TCF12: variants seen among roughly 807,000 people sequenced by gnomAD.
The protein encoded by TCF12 is DNA-binding protein HTF4.
TCF12 carries 45 observed loss-of-function variants against 86.0 expected under a neutral mutation model. The observed-to-expected ratio is 0.52, with a 90% CI of 0.41 to 0.67. The LOEUF is 0.67. Among genes scored for constraint, TCF12 ranks in the 30% least tolerant of loss-of-function variants. TCF12 has a pLI of 0.00. For synonymous variants in TCF12, 330 were observed against 299.6 expected (o/e 1.10, Z -1.05); for missense variants, 881 against 859.9 (o/e 1.02, Z -0.31).
At chr15:57,166,740 T>G (rs2054923697) in intron 6 of TCF12, among the ~76,000 whole-genome samples, 1 of 152,208 alleles carries the variant, frequency 6.6e-6, no homozygotes, top group South Asian at 2.1e-4. Context: ...TGAGAAATTT[T>G]TTTGCATATT....
At chr15:57,101,200 G>A (rs1158756579) in intron 5 of TCF12, among the ~76,000 whole-genome samples, 1 of 151,416 alleles carries the variant, frequency 6.6e-6, no homozygotes, top group African/African-American at 2.4e-5. Flanking sequence ...GGTGGTTTTT[G>A]TTTTTTGTTT....
intron 5 of TCF12, chr15:57,118,489 A>G (rs1010194700): frequency 6.6e-6 from 1 of 151,878 alleles, no homozygotes; most frequent in Non-Finnish European, 1.5e-5. Flanking sequence ...ATACTTTGAC[A>G]TCTTACCAAT....
Position 57,255,017 on chromosome 15 carries a change from C to G in TCF12, c.1467+1549C>G, listed in dbSNP as rs1192586027. On this transcript the variant is annotated intron_variant, in intron 16 of 20. Transcript: ENST00000333725. ...AATAATTTGTTGAAATACTATTTAT[C>G]CTTATTTAGAAGCATGACTTAAAAA... Among the ~76,000 whole-genome samples the G allele has an allele frequency of 2.6e-5, 4 of 152,030 alleles. No homozygotes were observed. In the South Asian group the frequency reaches 8.3e-4, roughly 32 times the overall value.
intron 8 of TCF12, chr15:57,219,648 A>G: frequency 2.0e-6 from 3 of 1,506,512 alleles, no homozygotes; most frequent in Non-Finnish European, 9.1e-7. Context: ...AGCAGTATAC[A>G]TTACTCGCTT....
At chr15:56,996,465 C>T (rs1322187241) in intron 3 of TCF12, among the ~76,000 whole-genome samples, 2 of 152,058 alleles carry the variant, frequency 1.3e-5, no homozygotes, top group African/African-American at 4.8e-5. Context: ...GAAACTAGAC[C>T]CCTACCTATC....
At chr15:56,969,371 G>A (rs1408696423) in intron 3 of TCF12, among the ~76,000 whole-genome samples, 3 of 152,032 alleles carry the variant, frequency 2.0e-5, no homozygotes, top group Non-Finnish European at 4.4e-5. Flanking sequence ...GATATATATC[G>A]GAGGTAGAAC....
At chr15:57,042,548 G>A (rs2066965629) in intron 3 of TCF12, among the ~76,000 whole-genome samples, 1 of 152,098 alleles carries the variant, frequency 6.6e-6, no homozygotes, top group Non-Finnish European at 1.5e-5. Context: ...CGAGGAGCCA[G>A]TACTACAGGC....
At chr15:57,189,325 A>G (rs1041557853) in intron 6 of TCF12, among the ~76,000 whole-genome samples, 1 of 152,176 alleles carries the variant, frequency 6.6e-6, no homozygotes, top group African/African-American at 2.4e-5. Flanking sequence ...ATGAGGGAAA[A>G]TTTTGCAATT....
intron 4 of TCF12, among the ~76,000 whole-genome samples, chr15:57,076,196 A>G (rs2070020569): frequency 6.6e-6 from 1 of 152,084 alleles, no homozygotes; most frequent in Non-Finnish European, 1.5e-5. Flanking sequence ...AATTTTGAAT[A>G]AGATCATAGT....
At chr15:57,036,062 C>T (rs2066488661) in intron 3 of TCF12, among the ~76,000 whole-genome samples, 1 of 129,782 alleles carries the variant, frequency 7.7e-6, no homozygotes, top group African/African-American at 2.8e-5. Flanking sequence ...CCACCCCCAG[C>T]TCCTGGTGCC....
rs185305534 is a variant in TCF12 at position 57,204,368 on chromosome 15, T to C, written c.579+6543T>C. ...TGAGATGCTAAGGCAGGAGTATCTC[T>C]TGATACTCCTGAAAGAGTTCAAGGC... On this transcript the variant is annotated intron_variant, in intron 8 of 20. Transcript: ENST00000333725. Among the ~76,000 whole-genome samples, 1,339 of 152,098 alleles carry C rather than the reference T, an allele frequency of 8.8e-3. 45 individuals carry two copies. Among genetic ancestry groups the C allele is most frequent in the Admixed American group, 0.059 (908 of 15,278 alleles).
At chr15:57,274,657 G>T (rs150350271) in intron 19 of TCF12, among the ~76,000 whole-genome samples, 3 of 152,194 alleles carry the variant, frequency 2.0e-5, no homozygotes, top group African/African-American at 7.2e-5. Context: ...TATGTTCAGT[G>T]GTTCAAGTAC....
At chr15:57,023,914 T>A (rs1005851545) in intron 3 of TCF12, among the ~76,000 whole-genome samples, 35 of 152,306 alleles carry the variant, frequency 2.3e-4, no homozygotes, top group African/African-American at 7.7e-4. Context: ...ATAAGGATCG[T>A]GCAACCTAAA....
At chr15:57,223,645 T>TTTTTTTTTTTTG in intron 8 of TCF12, among the ~76,000 whole-genome samples, 1 of 55,282 alleles carries the variant, frequency 1.8e-5, no homozygotes, top group Non-Finnish European at 2.7e-5. Flanking sequence ...CCAATGAGGT[T>TTTTTTTTTTTTG]TTTTTTTTTT....
chr15:56,980,847 TTGTA>T (rs2062855525), intron 3 of TCF12, among the ~76,000 whole-genome samples: 1 of 152,218 alleles, frequency 6.6e-6, no homozygotes, highest in South Asian at 2.1e-4. Context: ...TAGATATTAT[TTGTA>T]TGTTTATTTG....
At chr15:57,018,356 C>G (rs907545979) in intron 3 of TCF12, among the ~76,000 whole-genome samples, 2 of 152,200 alleles carry the variant, frequency 1.3e-5, no homozygotes, top group Admixed American at 6.5e-5. Flanking sequence ...CTACTTGTTG[C>G]AATAGCAAGC....
intron 4 of TCF12, chr15:57,072,719 G>C: frequency 7.7e-7 from 1 of 1,302,440 alleles, no homozygotes; most frequent in East Asian, 4.6e-5. Context: ...ATTAAAGTAA[G>C]TGTTTTCTAT....
intron 16 of TCF12, among the ~76,000 whole-genome samples, chr15:57,255,898 G>A (rs1392439850): frequency 6.6e-6 from 1 of 152,214 alleles, no homozygotes; most frequent in Non-Finnish European, 1.5e-5. Context: ...ACAGCAACTA[G>A]CCCAAGCTGT....
intron 3 of TCF12, among the ~76,000 whole-genome samples, chr15:56,929,386 TG>T (rs2060149501): frequency 2.6e-5 from 4 of 152,260 alleles, no homozygotes; most frequent in Admixed American, 1.3e-4. Context: ...ATAACATGAC[TG>T]TTATTTGAAA....
Sources: gnomAD v4.1 joint callset for allele counts (sites outside exome capture counted in the v4.1 genomes callset) on GRCh38, gnomAD v4.1.1 for gene constraint, MANE v1.5 for transcripts, NCBI Gene and HGNC (gene_info 2026-07-23, HGNC 2026-07-21) for gene names.